The following EML6 variants were observed in gnomAD, a reference collection of about 807,000 sequenced individuals.
EML6 encodes the protein EMAP like 6, also known as echinoderm microtubule-associated protein-like 6.
Under a neutral mutation model 240.1 loss-of-function variants are expected in EML6, and 154 were observed. That is an observed-to-expected ratio of 0.64 (90% CI 0.56 to 0.73). EML6 has a LOEUF of 0.73. Ranked by LOEUF, EML6 falls within the 30% of genes least tolerant of loss-of-function variation. The probability of loss-of-function intolerance (pLI) is 0.00; values close to 1 mark genes in which losing one functional copy is unlikely to be tolerated. For synonymous variants in EML6, 1,148 were observed against 899.0 expected (o/e 1.28, Z -4.95); for missense variants, 2,964 against 2,474.6 (o/e 1.20, Z -4.20).
At chr2:54,887,304 T>C (rs1466311771) in intron 17 of EML6, among the ~76,000 whole-genome samples, 1 of 152,248 alleles carries the variant, frequency 6.6e-6, no homozygotes, top group Admixed American at 6.5e-5. Context: ...TTTCTAATTT[T>C]ATCATTCATT....
intron 28 of EML6, among the ~76,000 whole-genome samples, chr2:54,939,380 G>A (rs1042013597): frequency 2.0e-5 from 3 of 152,220 alleles, no homozygotes; most frequent in Admixed American, 6.5e-5. Flanking sequence ...GGGAATGTGT[G>A]ATAGTGGATG....
intron 29 of EML6, among the ~76,000 whole-genome samples, chr2:54,950,132 C>A (rs917193242): frequency 7.0e-6 from 1 of 142,910 alleles, no homozygotes; most frequent in African/African-American, 3.0e-5. Flanking sequence ...TAAACCTCAA[C>A]AGTATCTAGT....
intron 28 of EML6, among the ~76,000 whole-genome samples, chr2:54,931,767 C>T (rs993777641): frequency 1.3e-5 from 2 of 152,202 alleles, no homozygotes; most frequent in African/African-American, 4.8e-5. Context: ...AACCACTCCA[C>T]GCAGGGTCCT....
intron 28 of EML6, among the ~76,000 whole-genome samples, chr2:54,937,655 T>A (rs1295028344): frequency 6.6e-6 from 1 of 151,952 alleles, no homozygotes; most frequent in Non-Finnish European, 1.5e-5. Context: ...CTTTATAAAT[T>A]ATGGATAACT....
At chr2:54,824,376 T>C (rs1397954122) in intron 5 of EML6, among the ~76,000 whole-genome samples, 3 of 152,214 alleles carry the variant, frequency 2.0e-5, no homozygotes. Flanking sequence ...ACTTTATTAA[T>C]TTTGCTTAGA....
chr2:54,883,617 A>T (rs1671959885), intron 17 of EML6, among the ~76,000 whole-genome samples: 2 of 152,182 alleles, frequency 1.3e-5, no homozygotes, highest in South Asian at 4.1e-4. Flanking sequence ...ATGGGGCGTG[A>T]GGAATCATCC....
chr2:54,882,544 G>C (rs527317292), intron 17 of EML6: 1 of 152,112 alleles, frequency 6.6e-6, no homozygotes, highest in South Asian at 2.1e-4. Flanking sequence ...AGGCTAATCT[G>C]AAAGTTTTGC....
intron 13 of EML6, among the ~76,000 whole-genome samples, chr2:54,865,940 A>C (rs76405029): frequency 0.025 from 3,823 of 152,292 alleles, 165 homozygotes; most frequent in African/African-American, 0.088. Flanking sequence ...GCTCTAAAGT[A>C]AATAGTTGGT....
chr2:54,852,442 C>T (rs1206896076), intron 10 of EML6, among the ~76,000 whole-genome samples: 1 of 152,038 alleles, frequency 6.6e-6, no homozygotes, highest in Non-Finnish European at 1.5e-5. Flanking sequence ...TAATAAAATA[C>T]CATCCTGTTC....
intron 5 of EML6, among the ~76,000 whole-genome samples, chr2:54,823,885 T>TCTCTCTCTGTCA (rs1668460276): frequency 6.7e-6 from 1 of 149,974 alleles, no homozygotes; most frequent in Non-Finnish European, 1.5e-5. Flanking sequence ...TCTTTCTGTC[T>TCTCTCTCTGTCA]CTCTCTCTCT....
At chr2:54,805,122 T>G (rs755291616) in intron 2 of EML6, among the ~76,000 whole-genome samples, 2 of 152,220 alleles carry the variant, frequency 1.3e-5, no homozygotes, top group African/African-American at 4.8e-5. Flanking sequence ...TTTTTGAGAT[T>G]CATCCATGCT....
In EML6 at chr2:54,928,766, G is replaced by A. The variant is rs543002945; in HGVS notation, c.4004+15G>A. ...GTGGAAGAAAGGTATGGTGTTGCCAGGTTTGCTTGCTTTTATTATACCTGA... is the reference window on the plus strand; with the variant it reads ...GTGGAAGAAAGGTATGGTGTTGCCAAGTTTGCTTGCTTTTATTATACCTGA... On this transcript the variant is annotated intron_variant, in intron 28 of 41. Transcript: ENST00000356458. The A allele has an allele frequency of 1.9e-6, 3 of 1,551,652 alleles. No individual in the cohort carries two copies. The highest frequency in any genetic ancestry group is 1.4e-5 in the African/African-American group (1 of 73,166).
At chr2:54,827,495 T>C in intron 5 of EML6, 71 bp from the exon 6 acceptor site, 1 of 1,271,018 alleles carries the variant, frequency 7.9e-7, no homozygotes, top group Non-Finnish European at 1.1e-6. Context: ...TGCACTGAAG[T>C]ATAAATAAAC....
In EML6 at chr2:54,827,597, CA is replaced by C; in HGVS notation, c.562del (p.Arg188GlufsTer29). The C allele has an allele frequency of 5.8e-6, 9 of 1,551,624 alleles. No individual in the cohort carries two copies. Among genetic ancestry groups the C allele is most frequent in the Non-Finnish European group, 7.8e-6 (9 of 1,146,972 alleles). ...ACACTGTGTGGAAATGCCCTGACTG[CA>C]AAAAGAGGGATATTTGGCAAAACAG... is the stretch of plus-strand genomic sequence containing the variant. Reference protein sequence around the residue: ...FWTLCGNALTAKRGIFGKTGD... With the variant: ...FWTLCGNALTXKRGIFGKTGD... On this transcript the variant is annotated frameshift_variant, in exon 6 of 42. Transcript: ENST00000356458. LOFTEE classifies it high-confidence loss of function.
chr2:54,827,528 C>T, intron 5 of EML6, 38 bp from the exon 6 acceptor site: 5 of 1,492,848 alleles, frequency 3.3e-6, no homozygotes, highest in Non-Finnish European at 4.6e-6. Flanking sequence ...CATCCGAATA[C>T]TCTATCTTGG....
chr2:54,967,793 C>T (rs903284579), intron 39 of EML6, among the ~76,000 whole-genome samples: 2 of 152,112 alleles, frequency 1.3e-5, no homozygotes, highest in South Asian at 4.1e-4. Context: ...GGTGGGGTTT[C>T]GGGATGAAAC....
At chr2:54,966,374 C>G (rs781046269) in intron 38 of EML6, among the ~76,000 whole-genome samples, 30 of 152,328 alleles carry the variant, frequency 2.0e-4, no homozygotes, top group Non-Finnish European at 4.1e-4. Flanking sequence ...CAGCTCATTC[C>G]AGGAGAAGCA....
chr2:54,907,170 T>C (rs1203024429), intron 24 of EML6, among the ~76,000 whole-genome samples: 1 of 152,206 alleles, frequency 6.6e-6, no homozygotes, highest in Non-Finnish European at 1.5e-5. Flanking sequence ...TTCTAAATGC[T>C]ACAAGTTCAT....
intron 5 of EML6, among the ~76,000 whole-genome samples, chr2:54,822,135 C>T (rs1211923962): frequency 6.6e-6 from 1 of 152,116 alleles, no homozygotes; most frequent in Admixed American, 6.6e-5. Context: ...AATAGAAACA[C>T]TGTTGGCCAA....
Sources: allele counts gnomAD v4.1 joint callset (sites outside exome capture counted in the v4.1 genomes callset), GRCh38; gene constraint gnomAD v4.1.1; transcripts MANE v1.5; gene names NCBI Gene and HGNC (gene_info 2026-07-23, HGNC 2026-07-21).